SDK1: variants seen among roughly 807,000 people sequenced by gnomAD.
SDK1 encodes the protein sidekick cell adhesion molecule 1.
Under a neutral mutation model 245.5 loss-of-function variants are expected in SDK1, and 157 were observed. The observed-to-expected ratio is 0.64, with a 90% confidence interval of 0.56 to 0.73. SDK1 has a LOEUF of 0.73. Among genes scored for constraint, SDK1 ranks in the 30% least tolerant of loss-of-function variants. The pLI is 0.00. For synonymous variants in SDK1, 1,647 were observed against 1,278.5 expected, an observed-to-expected ratio of 1.29 and a Z score of -6.15; for missense variants, 3,583 against 3,002.3, an observed-to-expected ratio of 1.19 and a Z score of -4.52.
At chr7:3,905,168 A>G (rs559943543) in intron 5 of SDK1, among the ~76,000 whole-genome samples, 2 of 151,998 alleles carry the variant, frequency 1.3e-5, no homozygotes, top group Middle Eastern at 3.4e-3. Context: ...CAGTTCATAG[A>G]TAACTTCACC....
At chr7:3,544,387 A>G (rs1463730478) in intron 1 of SDK1, among the ~76,000 whole-genome samples, 3 of 152,038 alleles carry the variant, frequency 2.0e-5, no homozygotes, top group Admixed American at 2.0e-4. Context: ...CCTCACAGGC[A>G]GCATGGGGCC....
chr7:3,410,404 T>A (rs1779168313), intron 1 of SDK1, among the ~76,000 whole-genome samples: 1 of 152,100 alleles, frequency 6.6e-6, no homozygotes, highest in South Asian at 2.1e-4. Context: ...ATTATGTATA[T>A]GCAAATATTC....
chr7:4,153,986 T>C (rs1780564482), intron 30 of SDK1, among the ~76,000 whole-genome samples: 1 of 152,098 alleles, frequency 6.6e-6, no homozygotes, highest in African/African-American at 2.4e-5. Context: ...CGGCCAATAG[T>C]GAATTCTTAA....
intron 4 of SDK1, among the ~76,000 whole-genome samples, chr7:3,704,424 T>C (rs923917465): frequency 1.3e-5 from 2 of 151,998 alleles, no homozygotes; most frequent in African/African-American, 4.8e-5. Context: ...GGCATCTCAC[T>C]GTAGTTTTAA....
intron 4 of SDK1, among the ~76,000 whole-genome samples, chr7:3,738,785 A>T (rs948154456): frequency 6.6e-6 from 1 of 151,832 alleles, no homozygotes. Flanking sequence ...ACTCTTTTTA[A>T]TACTATTGTA....
chr7:3,834,134 G>T (rs1776387183), intron 5 of SDK1, among the ~76,000 whole-genome samples: 1 of 152,188 alleles, frequency 6.6e-6, no homozygotes. Context: ...GTTGAAGTAT[G>T]ATTTTCTTTG....
intron 1 of SDK1, among the ~76,000 whole-genome samples, chr7:3,450,016 C>T (rs547219669): frequency 6.6e-5 from 10 of 152,252 alleles, no homozygotes; most frequent in South Asian, 2.1e-4. Flanking sequence ...ATCGGAGCTG[C>T]GCTCCAGAGG....
intron 17 of SDK1, among the ~76,000 whole-genome samples, chr7:4,044,916 CT>C (rs985310009): frequency 2.0e-5 from 3 of 152,124 alleles, no homozygotes; most frequent in Non-Finnish European, 4.4e-5. Context: ...AGTCTTTGTG[CT>C]TTTATATTCA....
chr7:3,729,793 T>C (rs1779124476), intron 4 of SDK1, among the ~76,000 whole-genome samples: 1 of 152,110 alleles, frequency 6.6e-6, no homozygotes, highest in Admixed American at 6.6e-5. Flanking sequence ...ATTTTTAGTC[T>C]TATAATTTTT....
At chr7:3,814,109 T>G (rs1433984540) in intron 4 of SDK1, among the ~76,000 whole-genome samples, 2 of 142,908 alleles carry the variant, frequency 1.4e-5, no homozygotes, top group African/African-American at 2.7e-5. Context: ...AGAAGCTCTT[T>G]AGTTTAATTA....
At chr7:4,171,962 C>G (rs1781868004) in intron 32 of SDK1, among the ~76,000 whole-genome samples, 1 of 152,194 alleles carries the variant, frequency 6.6e-6, no homozygotes, top group Admixed American at 6.5e-5. Context: ...ACAGCTCTCT[C>G]AGCCCCTGGG....
rs139892878 is a variant in SDK1, at chr7:3,431,422, G to T, written c.298+129538G>T. Among the ~76,000 whole-genome samples, 714 of 141,404 alleles carry T rather than the reference G, an allele frequency of 5.0e-3. 8 individuals carry two copies. Among genetic ancestry groups the T allele is most frequent in the African/African-American group, 0.018 (669 of 36,748 alleles). 92.8% of individuals were successfully genotyped at this position (141,404 alleles called of 152,430 possible). A position where few individuals can be genotyped will look rare whatever the true frequency, so the allele number is the denominator to read the frequency against. ...TACTTAGCCAGAATCCTAATAGCCT[G>T]CTGATTTTTGTAGATGATTACTCTG... On this transcript the variant is annotated intron_variant, in intron 1 of 44. Transcript: ENST00000404826.
intron 4 of SDK1, among the ~76,000 whole-genome samples, chr7:3,644,243 T>TTATATATATA (rs66881824): frequency 2.0e-3 from 297 of 145,306 alleles, no homozygotes; most frequent in Middle Eastern, 7.0e-3. Flanking sequence ...GAACAAAAAT[T>TTATATATATA]TATATATATA....
chr7:3,651,941 A>G (rs1054217383), intron 4 of SDK1, among the ~76,000 whole-genome samples: 2 of 152,130 alleles, frequency 1.3e-5, no homozygotes, highest in Non-Finnish European at 2.9e-5. Flanking sequence ...ACAGGACGGT[A>G]TTTTCAGACA....
rs377377322 is a variant in SDK1, at chr7:3,333,305, G to T, written c.298+31421G>T. 1.5e-3 allele frequency among the ~76,000 whole-genome samples: 229 copies of T among 152,278 alleles called. 4 individuals carry two copies. Among genetic ancestry groups the T allele is most frequent in the African/African-American group, 5.1e-3 (212 of 41,552 alleles). ...AATGTTTTCTAGACATTCTAGGGAG[G>T]TCACTGGTGTTTGGAAAGTACATAC... On this transcript the variant is annotated intron_variant, in intron 1 of 44. Coordinates refer to ENST00000404826, the MANE Select transcript of SDK1 (RefSeq NM_152744.4).
intron 1 of SDK1, among the ~76,000 whole-genome samples, chr7:3,591,923 A>C (rs1780887927): frequency 1.3e-5 from 2 of 152,368 alleles, no homozygotes; most frequent in South Asian, 4.1e-4. Flanking sequence ...GACTGGGGTC[A>C]ATAAATTTCC....
At chr7:3,693,556 T>A (rs1337394366) in intron 4 of SDK1, among the ~76,000 whole-genome samples, 3 of 152,232 alleles carry the variant, frequency 2.0e-5, no homozygotes, top group African/African-American at 7.2e-5. Flanking sequence ...TGACCTTTGA[T>A]ATGTTTTTTT....
Position 3,806,802 on chromosome 7 carries a change from G to A in SDK1, c.714-14648G>A, listed in dbSNP as rs552188120. 2.3e-4 allele frequency among the ~76,000 whole-genome samples: 15 copies of A among 66,004 alleles called. No individual in the cohort carries two copies. In the South Asian group the frequency reaches 2.9e-3, roughly 13 times the overall value. 43.3% of individuals were successfully genotyped at this position (66,004 alleles called of 152,430 possible). On this transcript the variant is annotated intron_variant, in intron 4 of 44. Coordinates refer to ENST00000404826, the MANE Select transcript of SDK1 (RefSeq NM_152744.4). Reference sequence around the variant, plus strand: ...TCATTAACTGGCAGGTGGTGGAGACGGGAAAAGTAGCTGCTGCCCCTTTTT... The same window carrying A: ...TCATTAACTGGCAGGTGGTGGAGACAGGAAAAGTAGCTGCTGCCCCTTTTT...
At chr7:3,677,929 C>G (rs62437913) in intron 4 of SDK1, among the ~76,000 whole-genome samples, 10 of 152,024 alleles carry the variant, frequency 6.6e-5, no homozygotes, top group Non-Finnish European at 1.2e-4. Context: ...GTAAAGAACC[C>G]CTACAACTCA....
Sources: gnomAD v4.1 joint callset for allele counts (sites outside exome capture counted in the v4.1 genomes callset) on GRCh38, gnomAD v4.1.1 for gene constraint, MANE v1.5 for transcripts, NCBI Gene and HGNC (gene_info 2026-07-23, HGNC 2026-07-21) for gene names.